The following LMNA variants were observed in gnomAD, a reference collection of about 807,000 sequenced individuals.
The protein encoded by LMNA is lamin.
In LMNA, 20 loss-of-function variants were observed where a neutral mutation model predicts 70.4. The observed-to-expected ratio is 0.28, with a 90% CI of 0.20 to 0.41. The LOEUF (loss-of-function observed/expected upper bound fraction) is 0.41. Among genes scored for constraint, LMNA ranks in the 10% least tolerant of loss-of-function variants. The pLI, the probability that LMNA is intolerant of heterozygous loss-of-function variation, is 1.00. For synonymous variants in LMNA, 339 were observed against 372.8 expected, an observed-to-expected ratio of 0.91 and a Z score of 1.04; for missense variants, 652 against 917.2, an observed-to-expected ratio of 0.71 and a Z score of 3.73.
upstream of LMNA, among the ~76,000 whole-genome samples, chr1:156,110,554 C>T (rs1649495941): frequency 1.3e-5 from 2 of 152,180 alleles, no homozygotes; most frequent in South Asian, 4.1e-4. Context: ...ATCCAAGAAA[C>T]CCTGAGAGGG....
intron 3 of LMNA, among the ~76,000 whole-genome samples, chr1:156,092,558 AATCC>A (rs1233889789): frequency 6.6e-6 from 1 of 151,828 alleles, no homozygotes; most frequent in African/African-American, 2.4e-5. Context: ...GGGTACCTGT[AATCC>A]CAGCTACTTG....
At chr1:156,093,370 G>A (rs1438733692) in intron 3 of LMNA, among the ~76,000 whole-genome samples, 1 of 141,256 alleles carries the variant, frequency 7.1e-6, no homozygotes, top group African/African-American at 2.7e-5. Context: ...GCAGTGGCAC[G>A]ATCTTGGCTT....
At chr1:156,104,195 C>T (rs957077927) in intron 3 of LMNA, among the ~76,000 whole-genome samples, 69 of 152,180 alleles carry the variant, frequency 4.5e-4, no homozygotes, top group African/African-American at 1.6e-3. Context: ...CCAAGAGGTG[C>T]GTGTATGGAG....
chr1:156,101,426 G>A (rs1459714518), intron 3 of LMNA, among the ~76,000 whole-genome samples: 2 of 152,086 alleles, frequency 1.3e-5, no homozygotes, highest in Non-Finnish European at 2.9e-5. Context: ...CATGAATTTT[G>A]GATTGCAGTG....
At position 156,137,560 on chromosome 1, in the gene LMNA, CCACAAGAAAAGTTG is replaced by C; in HGVS notation, c.1609-91_1609-78del. On this transcript the variant is annotated intron_variant, in intron 9 of 11. Coordinates refer to ENST00000368300, the MANE Select transcript of LMNA (RefSeq NM_170707.4). The surrounding 1 kb of genome is among the most constrained non-coding windows in gnomAD (Gnocchi z 4.6). The stretch of plus-strand genomic sequence containing the variant: ...AGCAGCAGGCCGGACAAAGGGCAGG[CCACAAGAAAAGTTG>C]CAGGTGGTCACTGGGGTAGACATGC... 1 of 1,170,604 alleles carries C rather than the reference CCACAAGAAAAGTTG, an allele frequency of 8.5e-7. No individual in the cohort carries two copies. The highest frequency in any genetic ancestry group is 1.2e-6 in the Non-Finnish European group (1 of 807,236). 72.5% of individuals were successfully genotyped at this position (1,170,604 alleles called of 1,614,324 possible). A position where few individuals can be genotyped will look rare whatever the true frequency, so the allele number is the denominator to read the frequency against.
chr1:156,087,214 A>G (rs1648510937), intron 2 of LMNA, among the ~76,000 whole-genome samples: 1 of 151,564 alleles, frequency 6.6e-6, no homozygotes, highest in South Asian at 2.1e-4. Flanking sequence ...TCCCATGTAT[A>G]ATGAGATTTT....
chr1:156,108,812 A>G (rs1649439680), intron 3 of LMNA, among the ~76,000 whole-genome samples: 1 of 152,176 alleles, frequency 6.6e-6, no homozygotes, highest in Non-Finnish European at 1.5e-5. Context: ...ACCTTAGACA[A>G]GTGATTCTCA....
In LMNA at chr1:156,137,619, C is replaced by T. The variant is rs1468391658; in HGVS notation, c.1609-35C>T. 1 of 1,540,840 alleles carries T rather than the reference C, an allele frequency of 6.5e-7. No individual in the cohort carries two copies. Among genetic ancestry groups the T allele is most frequent in the Non-Finnish European group, 8.8e-7 (1 of 1,137,762 alleles). ...ACATGCTGTACAACCCTTCCCTGGC[C>T]CTGACCCTTGGACCTGGTTCCATGT... On this transcript the variant is annotated intron_variant, in intron 9 of 11. Transcript: ENST00000368300. This position sits in a 1 kb window ranked among gnomAD's most constrained non-coding sequence, Gnocchi z 4.6.
At chr1:156,133,804 T>C (rs1052836270) in intron 2 of LMNA, among the ~76,000 whole-genome samples, 1 of 152,098 alleles carries the variant, frequency 6.6e-6, no homozygotes, top group Non-Finnish European at 1.5e-5. Flanking sequence ...TGTACATGCT[T>C]GTTTCTGCCC....
Position 156,134,481 on chromosome 1 carries a change from C to A in LMNA, c.592C>A (p.Gln198Lys), listed in dbSNP as rs1553265165. The change falls in exon 3 of 12, where the codon CAG becomes AAG. Residue 198 changes from glutamine to lysine, a missense_variant. Coordinates refer to ENST00000368300, the MANE Select transcript of LMNA (RefSeq NM_170707.4). This position sits in a 1 kb window ranked among gnomAD's most constrained non-coding sequence, Gnocchi z 5.3. ...LRRVDAENRL[Q>K]TMKEELDFQK... is the part of the protein sequence containing the mutation. ...GCGGGTGGATGCTGAGAACAGGCTG[C>A]AGACCATGAAGGAGGAACTGGACTT... 1 of 1,614,174 alleles carries A rather than the reference C, an allele frequency of 6.2e-7. No homozygotes were observed. Among genetic ancestry groups the A allele is most frequent in the Non-Finnish European group, 8.5e-7 (1 of 1,180,010 alleles).
chr1:156,136,015 A>C lies in LMNA; in HGVS notation c.1051A>C (p.Arg351=), dbSNP rs771623461. The change falls in exon 6 of 12, where the codon AGG becomes CGG. Residue 351 remains arginine (R), a synonymous_variant. Coordinates refer to ENST00000368300, the MANE Select transcript of LMNA (RefSeq NM_170707.4). The surrounding 1 kb of genome is among the most constrained non-coding windows in gnomAD (Gnocchi z 6.1). ...GCGGGAGATGGCCGAGATGCGGGCA[A>C]GGATGCAGCAGCAGCTGGACGAGTA... is the stretch of plus-strand genomic sequence containing the variant. ...KEREMAEMRA[R]MQQQLDEYQE... The C allele has an allele frequency of 2.2e-5, 35 of 1,614,164 alleles. No homozygotes were observed. In the Admixed American group the frequency reaches 5.8e-4, roughly 27 times the overall value.
chr1:156,094,943 T>C (rs1156430583), intron 3 of LMNA, among the ~76,000 whole-genome samples: 1 of 150,642 alleles, frequency 6.6e-6, no homozygotes, highest in African/African-American at 2.5e-5. Flanking sequence ...TTTTTTTTTT[T>C]GAGAACGGAG....
At chr1:156,130,161 C>T (rs1650918815) in intron 1 of LMNA, among the ~76,000 whole-genome samples, 1 of 152,110 alleles carries the variant, frequency 6.6e-6, no homozygotes, top group Non-Finnish European at 1.5e-5. Context: ...GTGCTAGGGA[C>T]ATGTGGGCCA....
At chr1:156,110,199 A>G (rs1413226010), upstream of LMNA, among the ~76,000 whole-genome samples, 1 of 152,154 alleles carries the variant, frequency 6.6e-6, no homozygotes, top group Non-Finnish European at 1.5e-5. Context: ...CTAACAAACT[A>G]TAACTTTGTC....
chr1:156,124,495 G>T lies in LMNA; in HGVS notation c.357-6122G>T, dbSNP rs1465450016. On this transcript the variant is annotated intron_variant, in intron 1 of 11. Transcript: ENST00000368300. ...GTAGAAATGGGGTTTCACCATGCTG[G>T]CCAGGATGGTCTCAAACTCCTGACC... is the stretch of plus-strand genomic sequence containing the variant. Among the ~76,000 whole-genome samples the T allele has an allele frequency of 2.6e-5, 4 of 152,090 alleles. No homozygotes were observed. The South Asian group carries it at 6.2e-4, about 24-fold the overall frequency.
chr1:156,095,508 C>CTTTTTTTTT (rs59065867), intron 3 of LMNA, among the ~76,000 whole-genome samples: 1 of 144,376 alleles, frequency 6.9e-6, no homozygotes, highest in African/African-American at 2.5e-5. Flanking sequence ...CCAGCTAATG[C>CTTTTTTTTT]TTTTTTTTTT....
In LMNA at chr1:156,103,779, C is replaced by T. The variant is rs1483569734; in HGVS notation, c.-206-10934C>T. 6.6e-6 allele frequency among the ~76,000 whole-genome samples: 1 copy of T among 152,092 alleles called. No individual in the cohort carries two copies. Among genetic ancestry groups the T allele is most frequent in the Non-Finnish European group, 1.5e-5 (1 of 68,002 alleles). On this transcript the variant is annotated intron_variant, in intron 3 of 12. Coordinates refer to the LMNA transcript ENST00000368301. This position sits in a 1 kb window ranked among gnomAD's most constrained non-coding sequence, Gnocchi z 4.7. ...CACATCTGGCTCCATTTGAACATAC[C>T]CCACCCTCCCTGCTCTTTATCCCTC...
At chr1:156,116,097 T>A (rs535231430) in intron 1 of LMNA, among the ~76,000 whole-genome samples, 74 of 152,338 alleles carry the variant, frequency 4.9e-4, no homozygotes, top group Non-Finnish European at 9.0e-4. Flanking sequence ...TGCCCAGGTC[T>A]GGCCGCACTC....
chr1:156,110,949 C>T (rs1649516998), upstream of LMNA, among the ~76,000 whole-genome samples: 1 of 152,030 alleles, frequency 6.6e-6, no homozygotes, highest in Non-Finnish European at 1.5e-5. Context: ...GCACTCCAGC[C>T]TGGGCAACAG....
Sources: allele counts gnomAD v4.1 joint callset (sites outside exome capture counted in the v4.1 genomes callset), GRCh38; gene constraint gnomAD v4.1.1; non-coding constraint Gnocchi (gnomAD v3.1); transcripts MANE v1.5; gene names NCBI Gene and HGNC (gene_info 2026-07-23, HGNC 2026-07-21).